The following CROCC variants were observed in gnomAD, a reference collection of about 807,000 sequenced individuals.
CROCC encodes rootletin.
A neutral mutation model predicts 245.2 loss-of-function variants in CROCC; 180 were observed. The observed-to-expected ratio is 0.73, with a 90% confidence interval of 0.65 to 0.83. The LOEUF is 0.83. Ranked by LOEUF, CROCC falls within the 40% of genes least tolerant of loss-of-function variation. CROCC has a pLI of 0.00. For missense variants in CROCC, 2,688 were observed against 2,779.4 expected (o/e 0.97, Z 0.74); for synonymous variants, 1,205 against 1,241.6 (o/e 0.97, Z 0.62).
At position 16,938,968 on chromosome 1, in the gene CROCC, T is replaced by C; in HGVS notation, c.1434T>C (p.Asp478=). Residue 478 remains aspartate (D), a synonymous_variant, in exon 12 of 37, where the codon GAT becomes GAC. Coordinates refer to ENST00000375541, the MANE Select transcript of CROCC (RefSeq NM_014675.5). ...TGAGCGGCTCTGAGCGCACCGCGGA[T>C]GCTTCCAACGGCAGCCTGCGGGGGC... The part of the protein sequence containing the change: ...VQLSGSERTA[D]ASNGSLRGLS... The C allele has an allele frequency of 1.9e-6, 3 of 1,605,498 alleles. No homozygotes were observed. The highest frequency in any genetic ancestry group is 2.5e-6 in the Non-Finnish European group (3 of 1,177,588).
intron 27 of CROCC, among the ~76,000 whole-genome samples, chr1:16,963,688 C>T (rs2076370565): frequency 6.6e-6 from 1 of 152,172 alleles, no homozygotes; most frequent in Non-Finnish European, 1.5e-5. Flanking sequence ...CTGCCCCCTC[C>T]ACCTCCCCGG....
At chr1:16,924,199 TG>T in intron 2 of CROCC, 125 bp from the exon 3 acceptor site, 1 of 1,198,344 alleles carries the variant, frequency 8.3e-7, no homozygotes, top group Non-Finnish European at 1.2e-6. Flanking sequence ...TTTGCAGGCC[TG>T]GTGCTGCAGC....
At chr1:16,952,484 A>G (rs1283940435) in intron 20 of CROCC, among the ~76,000 whole-genome samples, 2 of 138,424 alleles carry the variant, frequency 1.4e-5, no homozygotes, top group Non-Finnish European at 3.2e-5. Flanking sequence ...GACTCCGTCT[A>G]AAAAAAAAAA....
intron 26 of CROCC, among the ~76,000 whole-genome samples, chr1:16,959,582 C>T (rs1038734188): frequency 1.3e-5 from 2 of 152,218 alleles, no homozygotes; most frequent in African/African-American, 2.4e-5. Context: ...ACCAGCTGCT[C>T]AGTAGATGGG....
intron 26 of CROCC, among the ~76,000 whole-genome samples, 161 bp downstream of exon 26, chr1:16,958,911 G>A (rs2076288172): frequency 1.3e-5 from 2 of 152,204 alleles, no homozygotes; most frequent in Admixed American, 6.5e-5. Context: ...ACAACCCAAA[G>A]AACAGTGGGC....
At chr1:16,964,534 GCCC>G in intron 27 of CROCC, among the ~76,000 whole-genome samples, 1 of 151,850 alleles carries the variant, frequency 6.6e-6, no homozygotes. Flanking sequence ...GATTACAGGC[GCCC>G]GCCACCACAC....
In CROCC at chr1:16,936,544, T is replaced by C. The variant is rs569580308; in HGVS notation, c.957-93T>C. 3,500 of 1,289,626 alleles carry C rather than the reference T, an allele frequency of 2.7e-3. 4 individuals carry two copies. Among genetic ancestry groups the C allele is most frequent in the African/African-American group, 0.023 (1,589 of 68,260 alleles). 79.9% of individuals were successfully genotyped at this position (1,289,626 alleles called of 1,614,324 possible). ...TTGGCCTCCTGAAGTGCTGGGATTATAGGTGTGAGCCACCACGCCCTGCCC... is the reference window on the plus strand; with the variant it reads ...TTGGCCTCCTGAAGTGCTGGGATTACAGGTGTGAGCCACCACGCCCTGCCC... On this transcript the variant is annotated intron_variant, in intron 8 of 36. Transcript: ENST00000375541.
chr1:16,958,401 G>C (rs1196637869), intron 25 of CROCC, among the ~76,000 whole-genome samples, 182 bp from the exon 26 acceptor site: 1 of 152,216 alleles, frequency 6.6e-6, no homozygotes, highest in Non-Finnish European at 1.5e-5. Flanking sequence ...ACAGGCCACT[G>C]GTGCCCAAGT....
At position 16,965,864 on chromosome 1, in the gene CROCC, A is replaced by G; in HGVS notation, c.4547A>G (p.Gln1516Arg). 1 of 1,613,592 alleles carries G rather than the reference A, an allele frequency of 6.2e-7. No homozygotes were observed. Among genetic ancestry groups the G allele is most frequent in the Non-Finnish European group, 8.5e-7 (1 of 1,179,994 alleles). The change falls in exon 28 of 37, where the codon CAA becomes CGA. Residue 1516 changes from glutamine (Q) to arginine (R), a missense_variant. Coordinates refer to ENST00000375541, the MANE Select transcript of CROCC (RefSeq NM_014675.5). ...AVRGALREFL[Q>R]ELRSAQRERD... is the part of the protein sequence containing the mutation. ...CGCGGGGCCCTCCGGGAATTCCTGC[A>G]AGAGCTGCGGAGTGCCCAGAGAGAA...
rs747634130 is a variant in CROCC at position 16,955,467 on chromosome 1, G to C, written c.3621G>C (p.Glu1207Asp). 1 of 1,590,494 alleles carries C rather than the reference G, an allele frequency of 6.3e-7. No homozygotes were observed. The stretch of plus-strand genomic sequence containing the variant: ...GCGAGCTGCGACGCAGCCTGGGCGA[G>C]GGTGCCAAGGAGCGCGAGGCCCTGC... ...EAGELRRSLG[E>D]GAKEREALRR... Residue 1207 changes from glutamate (E) to aspartate (D), a missense_variant, in exon 24 of 37, where the codon GAG becomes GAC. Physicochemically the swap from Glu to Asp is conservative, Grantham distance 45 (BLOSUM62 2). Around this residue, in one of 9 missense-constraint regions of CROCC, gnomAD observed 1,218 missense variants for 1,286.3 expected, o/e 0.95. Transcript: ENST00000375541.
At position 16,956,088 on chromosome 1, in the gene CROCC, A is replaced by T; in HGVS notation, c.3796A>T (p.Thr1266Ser). The part of the protein sequence containing the change: ...AVGKEAGELR[T>S]GLQEVERSRL... ...GGGCAAGGAGGCCGGGGAGCTGCGA[A>T]CTGGGCTGCAGGAGGTGGAGCGCTC... Residue 1266 changes from threonine to serine, a missense_variant, in exon 25 of 37, where the codon ACT (threonine) becomes TCT (serine). Physicochemically the swap from Thr to Ser is moderately conservative, Grantham distance 58. This residue lies in a region of CROCC where 1,218 missense variants were observed against 1,286.3 expected (regional missense o/e 0.95). Transcript: ENST00000375541. The T allele has an allele frequency of 1.9e-6, 3 of 1,550,978 alleles. No individual in the cohort carries two copies. Among genetic ancestry groups the T allele is most frequent in the Non-Finnish European group, 2.6e-6 (3 of 1,146,952 alleles).
rs2075889936 is a variant in CROCC, at chr1:16,939,985, AG to A, written c.1702del (p.Glu568AsnfsTer34). 6.2e-7 allele frequency: 1 copy of A among 1,612,302 alleles called. No individual in the cohort carries two copies. Among genetic ancestry groups the A allele is most frequent in the Admixed American group, 1.7e-5 (1 of 59,994 alleles). On this transcript the variant is annotated frameshift_variant, in exon 13 of 37. Coordinates refer to ENST00000375541, the MANE Select transcript of CROCC (RefSeq NM_014675.5). LOFTEE classifies it high-confidence loss of function. ...AGCGAGAGCGAGCGGCGGGCCCTAG[AG>A]GAACAGCTGCAGCGCCTGCGGGACA... ...SDSESERRAL[E>X]EQLQRLRDKT...
Position 16,926,182 on chromosome 1 carries a change from A to G in CROCC, c.351+1703A>G, listed in dbSNP as rs541062023. Reference sequence around the variant, plus strand: ...GCGCCCGCTGCTTCAGTTGTCCTCTATCCACCATGGTTTGAATGAGGCCCC... The same window carrying G: ...GCGCCCGCTGCTTCAGTTGTCCTCTGTCCACCATGGTTTGAATGAGGCCCC... On this transcript the variant is annotated intron_variant, in intron 3 of 36. Transcript: ENST00000375541. 3.1e-4 allele frequency among the ~76,000 whole-genome samples: 47 copies of G among 152,340 alleles called. No individual in the cohort carries two copies. In the South Asian group the frequency reaches 9.3e-3, roughly 30 times the overall value.
intron 17 of CROCC, 146 bp from the exon 18 acceptor site, chr1:16,948,185 C>T (rs1299650648): frequency 7.2e-7 from 1 of 1,392,258 alleles, no homozygotes; most frequent in Admixed American, 3.0e-5. Flanking sequence ...CATGACTTGC[C>T]CAAGTACATG....
chr1:16,940,390 ATT>A (rs34580933), intron 13 of CROCC, among the ~76,000 whole-genome samples: 957 of 136,140 alleles, frequency 7.0e-3, no homozygotes, highest in African/African-American at 0.023. Context: ...TGCCGGGCTA[ATT>A]TTTTTTTTTT....
upstream of CROCC, among the ~76,000 whole-genome samples, chr1:16,918,857 C>T (rs1389455616): frequency 3.3e-5 from 5 of 152,224 alleles, no homozygotes; most frequent in Non-Finnish European, 5.9e-5. Flanking sequence ...GTGCCTCAGC[C>T]TCCCGAGTAG....
rs1054588336 is a variant in CROCC, at chr1:16,965,818, G to C, written c.4501G>C (p.Asp1501His). 6.2e-7 allele frequency: 1 copy of C among 1,613,830 alleles called. No individual in the cohort carries two copies. The highest frequency in any genetic ancestry group is 1.3e-5 in the African/African-American group (1 of 75,068). ...ACCTGCCACCTCCCCAGCCTCTCCAGACCTGGACCCGGAGGCAGTGCGCGG... is the reference window on the plus strand; with the variant it reads ...ACCTGCCACCTCCCCAGCCTCTCCACACCTGGACCCGGAGGCAGTGCGCGG... ...PGPATSPASP[D>H]LDPEAVRGAL... Residue 1501 changes from aspartate to histidine, a missense_variant, in exon 28 of 37, where the codon GAC (aspartate) becomes CAC (histidine). Asp to His is a moderately conservative substitution (Grantham distance 81, BLOSUM62 -1). Around this residue, in one of 9 missense-constraint regions of CROCC, gnomAD observed 1,218 missense variants for 1,286.3 expected, o/e 0.95. Transcript: ENST00000375541.
At chr1:16,935,322 A>G (rs2075764807) in intron 8 of CROCC, among the ~76,000 whole-genome samples, 1 of 152,248 alleles carries the variant, frequency 6.6e-6, no homozygotes, top group Admixed American at 6.5e-5. Context: ...GTAAAATTTC[A>G]TCTTCACAGT....
intron 27 of CROCC, among the ~76,000 whole-genome samples, chr1:16,965,259 A>G (rs78209470): frequency 0.051 from 7,731 of 152,312 alleles, 250 homozygotes; most frequent in African/African-American, 0.072. Context: ...GAGGTGATGC[A>G]GCAACCACCC....
Sources: allele counts gnomAD v4.1 joint callset (sites outside exome capture counted in the v4.1 genomes callset), GRCh38; gene constraint gnomAD v4.1.1; regional missense constraint gnomAD v4.1.1; transcripts MANE v1.5; gene names NCBI Gene and HGNC (gene_info 2026-07-23, HGNC 2026-07-21).